Variants in FHOD3 observed in about 807,000 individuals in gnomAD.
The protein encoded by FHOD3 is FH1/FH2 domain-containing protein 3.
Under a neutral mutation model 173.0 loss-of-function variants are expected in FHOD3, and 90 were observed. That is an observed-to-expected ratio of 0.52 (90% CI 0.44 to 0.62). FHOD3 has a LOEUF of 0.62. FHOD3 is among the 20% of genes least tolerant of loss of function. The probability of loss-of-function intolerance (pLI) is 0.00; values close to 1 mark genes in which losing one functional copy is unlikely to be tolerated. For synonymous variants in FHOD3, 828 were observed against 823.0 expected (o/e 1.01, Z -0.10); for missense variants, 1,945 against 2,034.7 (o/e 0.96, Z 0.85).
chr18:36,448,894 C>T (rs1034414881), intron 3 of FHOD3, among the ~76,000 whole-genome samples: 3 of 151,938 alleles, frequency 2.0e-5, no homozygotes, highest in African/African-American at 7.3e-5. Context: ...CTCTTGTGAC[C>T]AAACATGCAG....
intron 5 of FHOD3, among the ~76,000 whole-genome samples, chr18:36,513,899 G>T (rs1305785016): frequency 6.6e-6 from 1 of 151,936 alleles, no homozygotes; most frequent in African/African-American, 2.4e-5. Context: ...GTGTTTGTGG[G>T]GCTGCGGAGT....
intron 2 of FHOD3, among the ~76,000 whole-genome samples, chr18:36,360,970 A>G (rs905719068): frequency 2.0e-5 from 3 of 152,244 alleles, no homozygotes; most frequent in Admixed American, 2.0e-4. Flanking sequence ...CTGAACCTAA[A>G]AAACCAAACC....
At chr18:36,665,883 C>T (rs2037147513) in intron 14 of FHOD3, among the ~76,000 whole-genome samples, 1 of 152,132 alleles carries the variant, frequency 6.6e-6, no homozygotes, top group African/African-American at 2.4e-5. Context: ...ATTGTGAAGC[C>T]AAACAGGTGG....
intron 17 of FHOD3, among the ~76,000 whole-genome samples, chr18:36,695,381 G>A (rs2039224544): frequency 6.6e-6 from 1 of 151,828 alleles, no homozygotes; most frequent in Admixed American, 6.6e-5. Flanking sequence ...ATATTTGCAA[G>A]TGTTATTTTC....
rs572642509 is a variant in FHOD3, at chr18:36,733,135, C to A, written c.3576+2331C>A. ...AGTAAACAAGCTGTTTAGATAAACT[C>A]CCCCACATTCCCTTGTTATTTGCTC... is the stretch of plus-strand genomic sequence containing the variant. On this transcript the variant is annotated intron_variant, in intron 20 of 28. Transcript: ENST00000590592. 3.3e-5 allele frequency among the ~76,000 whole-genome samples: 5 copies of A among 152,298 alleles called. 1 individual carries two copies. In the South Asian group the frequency reaches 1.0e-3, roughly 32 times the overall value.
In FHOD3 at chr18:36,744,115, G is replaced by A; in HGVS notation, c.3963G>A (p.Val1321=). 1.9e-6 allele frequency: 3 copies of A among 1,614,146 alleles called. No individual in the cohort carries two copies. The highest frequency in any genetic ancestry group is 2.5e-6 in the Non-Finnish European group (3 of 1,179,988). The part of the protein sequence containing the change: ...TVHKQSLLHH[V]CTMVVENFPD... ...ACAAGCAGTCGCTTCTCCACCATGTGTGCACCATGGTGGTAGAAAACTTCC... is the reference window on the plus strand; with the variant it reads ...ACAAGCAGTCGCTTCTCCACCATGTATGCACCATGGTGGTAGAAAACTTCC... The change falls in exon 23 of 29, where the codon GTG becomes GTA. Residue 1321 remains valine (V), a synonymous_variant. Transcript: ENST00000590592.
At chr18:36,533,890 T>C (rs981019971) in intron 5 of FHOD3, among the ~76,000 whole-genome samples, 8 of 152,286 alleles carry the variant, frequency 5.3e-5, no homozygotes, top group African/African-American at 1.9e-4. Flanking sequence ...TCTTCCCCAT[T>C]AGAGTTAAGA....
chr18:36,463,639 G>T (rs1337777510), intron 3 of FHOD3, among the ~76,000 whole-genome samples: 2 of 150,668 alleles, frequency 1.3e-5, no homozygotes, highest in African/African-American at 4.9e-5. Context: ...GGGACTACAG[G>T]TGTGCACCAC....
chr18:36,675,489 G>A (rs1045166627), intron 14 of FHOD3, among the ~76,000 whole-genome samples: 1 of 152,134 alleles, frequency 6.6e-6, no homozygotes, highest in Non-Finnish European at 1.5e-5. Flanking sequence ...CTCTCCCAGT[G>A]CACAGCCCTG....
At chr18:36,566,892 A>G (rs1308124679) in intron 5 of FHOD3, among the ~76,000 whole-genome samples, 1 of 152,242 alleles carries the variant, frequency 6.6e-6, no homozygotes, top group Non-Finnish European at 1.5e-5. Flanking sequence ...ACTTATATAA[A>G]ATGAAAATAA....
intron 5 of FHOD3, among the ~76,000 whole-genome samples, chr18:36,514,743 T>C (rs1435128791): frequency 1.3e-5 from 2 of 152,188 alleles, no homozygotes; most frequent in African/African-American, 4.8e-5. Flanking sequence ...TGTATTTCTA[T>C]TGCATCAGCG....
chr18:36,494,957 A>G (rs1041743379), intron 3 of FHOD3, among the ~76,000 whole-genome samples: 1 of 152,036 alleles, frequency 6.6e-6, no homozygotes, highest in Non-Finnish European at 1.5e-5. Context: ...CTCTGATGTG[A>G]CAGCCCTGTC....
At chr18:36,679,680 A>G (rs1357076759) in intron 14 of FHOD3, among the ~76,000 whole-genome samples, 2 of 151,686 alleles carry the variant, frequency 1.3e-5, no homozygotes, top group East Asian at 1.9e-4. Flanking sequence ...TTCCAATTAT[A>G]TGGATTTTTT....
chr18:36,330,604 T>C (rs2056016), intron 1 of FHOD3, among the ~76,000 whole-genome samples: 89,727 of 141,486 alleles, frequency 0.63, 30,131 homozygotes, highest in Middle Eastern at 0.8. Context: ...CCATCCGTCA[T>C]TTTGCTGGCT....
intron 18 of FHOD3, chr18:36,709,862 G>C (rs2040075504): frequency 6.4e-6 from 1 of 156,498 alleles, no homozygotes; most frequent in African/African-American, 2.4e-5. Flanking sequence ...GGACATTTCA[G>C]ACTGGGAAAG....
intron 5 of FHOD3, among the ~76,000 whole-genome samples, chr18:36,557,336 A>G (rs2057928256): frequency 1.3e-5 from 2 of 151,776 alleles, no homozygotes; most frequent in Non-Finnish European, 1.5e-5. Flanking sequence ...TTTTTTTTAA[A>G]TTTTAAATTA....
chr18:36,715,389 C>T (rs960641979), intron 18 of FHOD3, among the ~76,000 whole-genome samples: 17 of 152,182 alleles, frequency 1.1e-4, no homozygotes, highest in Non-Finnish European at 1.8e-4. Flanking sequence ...TTGTAAGTTT[C>T]CTGTGGCCTC....
chr18:36,767,566 C>T (rs930576289), intron 27 of FHOD3, among the ~76,000 whole-genome samples: 4 of 152,046 alleles, frequency 2.6e-5, no homozygotes, highest in African/African-American at 4.8e-5. Flanking sequence ...GCGATCTGCC[C>T]GCCTCAGCCT....
chr18:36,612,715 G>A (rs1320625088), intron 9 of FHOD3, among the ~76,000 whole-genome samples: 2 of 152,208 alleles, frequency 1.3e-5, no homozygotes, highest in Non-Finnish European at 2.9e-5. Context: ...ATTATGAAGT[G>A]TCAGTTTAGA....
Sources: allele counts gnomAD v4.1 joint callset (sites outside exome capture counted in the v4.1 genomes callset), GRCh38; gene constraint gnomAD v4.1.1; transcripts MANE v1.5; gene names NCBI Gene and HGNC (gene_info 2026-07-23, HGNC 2026-07-21).